Variants in EP400 observed in about 807,000 individuals in gnomAD.
EP400 encodes the protein E1A binding protein p400, also known as E1A-binding protein p400.
EP400 carries 105 observed loss-of-function variants against 354.1 expected under a neutral mutation model. The observed-to-expected ratio is 0.30, with a 90% CI of 0.25 to 0.35. The LOEUF (loss-of-function observed/expected upper bound fraction) is 0.35. EP400 is among the 10% of genes least tolerant of loss of function. EP400 has a pLI of 1.00. For missense variants in EP400, 3,280 were observed against 4,121.0 expected (o/e 0.80, Z 5.59); for synonymous variants, 1,646 against 1,716.9 (o/e 0.96, Z 1.02).
rs377284148 is a variant in EP400 at position 132,053,592 on chromosome 12, G to A, written c.7723G>A (p.Val2575Ile). The A allele has an allele frequency of 1.1e-5, 17 of 1,544,884 alleles. No homozygotes were observed. Among genetic ancestry groups the A allele is most frequent in the South Asian group, 2.4e-5 (2 of 85,060 alleles). Residue 2575 changes from valine (V) to isoleucine (I), a missense_variant, in exon 43 of 53, where the codon GTA becomes ATA. By Grantham distance (29) the Val-to-Ile change is conservative. Coordinates refer to ENST00000389561, the MANE Select transcript of EP400 (RefSeq NM_015409.5). ...PAITTGGSAA[V>I]LAGTIKTSVT... is the part of the protein sequence containing the mutation. ...AATCACGACGGGGGGCAGTGCAGCC[G>A]TACTGGTGAGCAGGGGCCTCCTCCC...
At position 132,044,326 on chromosome 12, in the gene EP400, G is replaced by C; in HGVS notation, c.6585+15G>C. On this transcript the variant is annotated intron_variant, in intron 35 of 52. Transcript: ENST00000389561. ...CCTACAGCATGGTACCCGGCCCGGG[G>C]CCCTCCTGCCCTCTTGCCCCCCTGC... 6 of 1,606,270 alleles carry C rather than the reference G, an allele frequency of 3.7e-6. No homozygotes were observed. Among genetic ancestry groups the C allele is most frequent in the Non-Finnish European group, 4.3e-6 (5 of 1,174,688 alleles).
In EP400 at chr12:132,072,256, G is replaced by A. The variant is rs796479019; in HGVS notation, c.9021+2615G>A. Among the ~76,000 whole-genome samples, 36 of 152,288 alleles carry A rather than the reference G, an allele frequency of 2.4e-4. No homozygotes were observed. In the South Asian group the frequency reaches 3.1e-3, roughly 13 times the overall value. On this transcript the variant is annotated intron_variant, in intron 51 of 52. Transcript: ENST00000389561. ...GACCGCAGGTGTGTGCCACGATGCC[G>A]GGCTTTTGCCAGGGTTTTTACTTCC...
intron 29 of EP400, 46 bp downstream of exon 29, chr12:132,030,204 G>T: frequency 6.2e-7 from 1 of 1,604,542 alleles, no homozygotes. Flanking sequence ...TCAGTCACTG[G>T]TGTTGAATGC....
intron 2 of EP400, 126 bp from the exon 3 acceptor site, chr12:131,979,568 G>T (rs982865504): frequency 7.1e-6 from 5 of 705,106 alleles, no homozygotes; most frequent in Non-Finnish European, 9.2e-6. Context: ...TAAAGACACG[G>T]GGTAGATAAC....
At chr12:131,992,478 T>A (rs1239806089) in intron 11 of EP400, among the ~76,000 whole-genome samples, 1 of 152,036 alleles carries the variant, frequency 6.6e-6, no homozygotes, top group Non-Finnish European at 1.5e-5. Context: ...TCTTGGAGAG[T>A]GTTGGGGCCC....
chr12:132,049,235 C>T (rs761859187), intron 39 of EP400, among the ~76,000 whole-genome samples: 80 of 152,344 alleles, frequency 5.3e-4, no homozygotes, highest in Non-Finnish European at 7.8e-4. Context: ...ACCAGACACA[C>T]GGTCTTTCCA....
intron 5 of EP400, among the ~76,000 whole-genome samples, chr12:131,985,871 G>A (rs1483352546): frequency 2.0e-5 from 3 of 152,214 alleles, no homozygotes; most frequent in Non-Finnish European, 2.9e-5. Flanking sequence ...GCCTCTGAAA[G>A]TGCTGGTATT....
rs1335117353 is a variant in EP400, at chr12:132,018,296, A to G, written c.4197A>G (p.Ile1399Met). 9 of 1,613,556 alleles carry G rather than the reference A, an allele frequency of 5.6e-6. No homozygotes were observed. Among genetic ancestry groups the G allele is most frequent in the Non-Finnish European group, 5.9e-6 (7 of 1,179,922 alleles). ...CAGAGTTGCTGTCTAAGAAAAAGATACCGCGGAAACTCATGGAGGAAATCT... is the reference window on the plus strand; with the variant it reads ...CAGAGTTGCTGTCTAAGAAAAAGATGCCGCGGAAACTCATGGAGGAAATCT... ...HEAELLSKKKIPRKLMEEIST... is the reference protein window; with the variant it reads ...HEAELLSKKKMPRKLMEEIST... The change falls in exon 21 of 53, where the codon ATA (isoleucine) becomes ATG (methionine). Residue 1399 changes from isoleucine to methionine, a missense_variant. Physicochemically the swap from Ile to Met is conservative, Grantham distance 10. This residue lies in a region of EP400 where 342 missense variants were observed against 342.7 expected (regional missense o/e 1.00). Transcript: ENST00000389561. This position sits in a 1 kb window ranked among gnomAD's most constrained non-coding sequence, Gnocchi z 4.0.
chr12:132,021,395 T>G, intron 23 of EP400, 74 bp downstream of exon 23: 5 of 1,432,550 alleles, frequency 3.5e-6, no homozygotes, highest in Non-Finnish European at 3.6e-6. Context: ...CACGGGGATG[T>G]AGGAGGAGCC....
At chr12:131,951,380 G>C (rs1891486991) in intron 1 of EP400, among the ~76,000 whole-genome samples, 1 of 150,852 alleles carries the variant, frequency 6.6e-6, no homozygotes, top group East Asian at 2.0e-4. Context: ...TTGGGGTCTT[G>C]CTGTGTTGCT....
chr12:132,034,852 C>T (rs1456703848), intron 30 of EP400, among the ~76,000 whole-genome samples: 5 of 152,150 alleles, frequency 3.3e-5, no homozygotes, highest in Admixed American at 6.5e-5. Flanking sequence ...GAGACAGTAC[C>T]TGTGGCCGAG....
At chr12:132,041,589 G>A (rs1894911238) in intron 32 of EP400, among the ~76,000 whole-genome samples, 1 of 152,180 alleles carries the variant, frequency 6.6e-6, no homozygotes, top group Non-Finnish European at 1.5e-5. Context: ...TGGACGTGAT[G>A]GAGTGGTTCA....
chr12:131,958,977 G>A (rs1312247844), intron 1 of EP400, among the ~76,000 whole-genome samples: 6 of 152,250 alleles, frequency 3.9e-5, no homozygotes, highest in Non-Finnish European at 8.8e-5. Context: ...GGGTTGAGGT[G>A]AAGGCACCTC....
chr12:132,062,113 C>T lies in EP400; in HGVS notation c.7888C>T (p.Pro2630Ser), dbSNP rs1168160659. 1.9e-6 allele frequency: 3 copies of T among 1,612,086 alleles called. No homozygotes were observed. Among genetic ancestry groups the T allele is most frequent in the Non-Finnish European group, 2.5e-6 (3 of 1,179,604 alleles). Residue 2630 changes from proline (P) to serine (S), a missense_variant, in exon 46 of 53, where the codon CCG becomes TCG. This residue lies in a region of EP400 where 255 missense variants were observed against 295.9 expected (regional missense o/e 0.86). Coordinates refer to ENST00000389561, the MANE Select transcript of EP400 (RefSeq NM_015409.5). Reference protein sequence around the residue: ...SPVAPGALTTPGGSAPAQVVH... With the variant: ...SPVAPGALTTSGGSAPAQVVH... The stretch of plus-strand genomic sequence containing the variant: ...GTCCTCTGTTTGCCTTTTCTAGACG[C>T]CGGGAGGCTCTGCTCCCGCCCAGGT...
intron 12 of EP400, among the ~76,000 whole-genome samples, chr12:131,999,392 G>A (rs896893360): frequency 3.3e-5 from 5 of 152,120 alleles, no homozygotes; most frequent in African/African-American, 1.2e-4. Context: ...TATAAGATTA[G>A]TGAAGTTTGT....
intron 1 of EP400, among the ~76,000 whole-genome samples, chr12:131,954,738 A>C (rs1162196596): frequency 6.6e-6 from 1 of 150,420 alleles, no homozygotes; most frequent in African/African-American, 2.4e-5. Context: ...AAAAAAAAAA[A>C]AAAAAAAAAA....
intron 7 of EP400, among the ~76,000 whole-genome samples, chr12:131,988,663 G>A (rs1306930609): frequency 6.6e-6 from 1 of 152,218 alleles, no homozygotes; most frequent in East Asian, 1.9e-4. Flanking sequence ...CACTAGAAAA[G>A]TGAGAACAAG....
chr12:131,986,853 G>A (rs781396048), intron 6 of EP400, 46 bp downstream of exon 6: 4 of 1,548,212 alleles, frequency 2.6e-6, no homozygotes, highest in Middle Eastern at 3.5e-4. Context: ...AGTTGGTGAA[G>A]CACATTTAGT....
At chr12:131,970,928 G>T (rs1046123457) in intron 2 of EP400, among the ~76,000 whole-genome samples, 3 of 152,186 alleles carry the variant, frequency 2.0e-5, no homozygotes, top group Non-Finnish European at 4.4e-5. Flanking sequence ...TACAGGCTGG[G>T]CGCTTTGGCT....
Sources: allele counts gnomAD v4.1 joint callset (sites outside exome capture counted in the v4.1 genomes callset), GRCh38; gene constraint gnomAD v4.1.1; regional missense constraint gnomAD v4.1.1; non-coding constraint Gnocchi (gnomAD v3.1); transcripts MANE v1.5; gene names NCBI Gene and HGNC (gene_info 2026-07-23, HGNC 2026-07-21).